The following SPATA13 variants were observed in gnomAD, a reference collection of about 807,000 sequenced individuals.
SPATA13 encodes the protein spermatogenesis associated 13.
In SPATA13, 50 loss-of-function variants were observed where a neutral mutation model predicts 104.0. That is an observed-to-expected ratio of 0.48 (90% confidence interval 0.38 to 0.61). The LOEUF is 0.61. Ranked by LOEUF, SPATA13 falls within the 20% of genes least tolerant of loss-of-function variation. SPATA13 has a pLI of 0.00. For missense variants in SPATA13, 1,524 were observed against 1,690.6 expected, an observed-to-expected ratio of 0.90 and a Z score of 1.73; for synonymous variants, 606 against 667.5, an observed-to-expected ratio of 0.91 and a Z score of 1.42.
chr13:24,200,417 G>A (rs1463037178), intron 1 of SPATA13, among the ~76,000 whole-genome samples: 1 of 151,984 alleles, frequency 6.6e-6, no homozygotes, highest in Non-Finnish European at 1.5e-5. Context: ...CAGCATGTAA[G>A]GACAAAGACA....
intron 2 of SPATA13, among the ~76,000 whole-genome samples, chr13:24,236,438 A>T (rs1046327444): frequency 6.6e-6 from 1 of 151,414 alleles, no homozygotes; most frequent in Non-Finnish European, 1.5e-5. Context: ...TAAAAATATA[A>T]AAAAAAATTA....
At chr13:24,125,118 C>G (rs1370105780) in intron 3 of SPATA13, among the ~76,000 whole-genome samples, 2 of 152,216 alleles carry the variant, frequency 1.3e-5, no homozygotes, top group Non-Finnish European at 2.9e-5. Flanking sequence ...ACCCCTGGAC[C>G]CATACCCTCT....
At chr13:24,239,254 C>T (rs973500699) in intron 2 of SPATA13, among the ~76,000 whole-genome samples, 7 of 152,180 alleles carry the variant, frequency 4.6e-5, no homozygotes, top group Middle Eastern at 3.4e-3. Context: ...GAAATAGGGA[C>T]GGGATGGCTG....
chr13:24,125,686 C>T (rs1881187431), intron 3 of SPATA13, among the ~76,000 whole-genome samples: 1 of 152,024 alleles, frequency 6.6e-6, no homozygotes, highest in South Asian at 2.1e-4. Context: ...TTTTGTTGCT[C>T]AGGAGCAGGA....
At chr13:24,002,671 G>A (rs1317261562) in intron 2 of SPATA13, among the ~76,000 whole-genome samples, 1 of 152,142 alleles carries the variant, frequency 6.6e-6, no homozygotes, top group Non-Finnish European at 1.5e-5. Flanking sequence ...ACTGCCGCAA[G>A]CCTCGTCCGG....
chr13:24,046,634 C>T (rs1281604139), intron 3 of SPATA13, among the ~76,000 whole-genome samples: 1 of 151,446 alleles, frequency 6.6e-6, no homozygotes, highest in East Asian at 1.9e-4. Flanking sequence ...TTATTAGTTC[C>T]TGTAGCTGTA....
chr13:24,100,434 CCTT>C (rs1880220012), intron 3 of SPATA13, among the ~76,000 whole-genome samples: 1 of 152,178 alleles, frequency 6.6e-6, no homozygotes, highest in Admixed American at 6.5e-5. Context: ...TGAGACTTGT[CCTT>C]CTCCCTCTCT....
At chr13:24,093,969 G>A (rs1879988693) in intron 3 of SPATA13, among the ~76,000 whole-genome samples, 1 of 152,142 alleles carries the variant, frequency 6.6e-6, no homozygotes, top group Non-Finnish European at 1.5e-5. Flanking sequence ...ATGTCATTGT[G>A]CAGTAATGAT....
chr13:24,209,020 G>A (rs1870865564), intron 1 of SPATA13, among the ~76,000 whole-genome samples: 2 of 152,140 alleles, frequency 1.3e-5, no homozygotes, highest in South Asian at 4.1e-4. Context: ...TAATCTCCAG[G>A]GGAGCATGTC....
intron 2 of SPATA13, among the ~76,000 whole-genome samples, chr13:23,992,166 A>G (rs540759486): frequency 1.3e-5 from 2 of 152,274 alleles, no homozygotes; most frequent in South Asian, 4.1e-4. Context: ...CTTGGTAGAA[A>G]GTGGAGAACT....
intron 9 of SPATA13, among the ~76,000 whole-genome samples, chr13:24,294,010 A>AT: frequency 6.6e-6 from 1 of 152,312 alleles, no homozygotes; most frequent in South Asian, 2.1e-4. Flanking sequence ...ATGGCCCCGC[A>AT]TTATTAACGC....
chr13:24,143,253 C>T (rs898829025), intron 3 of SPATA13, among the ~76,000 whole-genome samples: 1 of 152,156 alleles, frequency 6.6e-6, no homozygotes, highest in African/African-American at 2.4e-5. Flanking sequence ...TAGACGGAAG[C>T]CCCTGGTGTT....
At chr13:24,258,364 CAAAAAAAAAAA>C (rs3067220) in intron 4 of SPATA13, among the ~76,000 whole-genome samples, 1 of 96,456 alleles carries the variant, frequency 1.0e-5, no homozygotes. Context: ...GAGTTCATCT[CAAAAAAAAAAA>C]AAAAAAAAAG....
At chr13:24,043,980 T>G (rs540139865) in intron 3 of SPATA13, among the ~76,000 whole-genome samples, 15 of 152,254 alleles carry the variant, frequency 9.9e-5, no homozygotes, top group Admixed American at 3.3e-4. Context: ...GGAGGTAAGA[T>G]GATGGATTTA....
intron 3 of SPATA13, 121 bp downstream of exon 3, chr13:24,249,963 A>T (rs1364358333): frequency 2.2e-5 from 29 of 1,308,972 alleles, no homozygotes; most frequent in Non-Finnish European, 2.9e-5. Flanking sequence ...GGCACCATGT[A>T]CTTAACCACC....
intron 3 of SPATA13, among the ~76,000 whole-genome samples, chr13:24,142,560 T>C (rs1881795550): frequency 6.6e-6 from 1 of 152,152 alleles, no homozygotes; most frequent in South Asian, 2.1e-4. Flanking sequence ...TCCCAGTGCA[T>C]GGGAAGTGTT....
At chr13:24,248,232 CCA>C (rs1412586142) in intron 2 of SPATA13, among the ~76,000 whole-genome samples, 2 of 152,166 alleles carry the variant, frequency 1.3e-5, no homozygotes, top group African/African-American at 4.8e-5. Flanking sequence ...ACTCCATGGC[CCA>C]GCTTTTTCAG....
intron 3 of SPATA13, among the ~76,000 whole-genome samples, chr13:24,115,117 CTG>C (rs1566108567): frequency 6.6e-6 from 1 of 152,186 alleles, no homozygotes; most frequent in Non-Finnish European, 1.5e-5. Flanking sequence ...CCATCTGGCC[CTG>C]TGTTTTGATA....
At chr13:24,146,758 G>A (rs115574647) in intron 3 of SPATA13, among the ~76,000 whole-genome samples, 39 of 152,178 alleles carry the variant, frequency 2.6e-4, no homozygotes, top group African/African-American at 9.2e-4. Context: ...ATTTTCCATC[G>A]TGGTCGGCTA....
Sources: allele counts gnomAD v4.1 joint callset (sites outside exome capture counted in the v4.1 genomes callset), GRCh38; gene constraint gnomAD v4.1.1; transcripts MANE v1.5; gene names NCBI Gene and HGNC (gene_info 2026-07-23, HGNC 2026-07-21).